Variants in C2CD2 observed in about 807,000 individuals in gnomAD.
C2CD2 encodes the protein C2 calcium dependent domain containing 2.
In C2CD2, 43 loss-of-function variants were observed where a neutral mutation model predicts 74.3. The observed-to-expected ratio is 0.58, with a 90% CI of 0.45 to 0.75. C2CD2 has a LOEUF of 0.75. Among genes scored for constraint, C2CD2 ranks in the 30% least tolerant of loss-of-function variants. The pLI is 0.00. For synonymous variants in C2CD2, 422 were observed against 390.7 expected, an observed-to-expected ratio of 1.08 and a Z score of -0.94; for missense variants, 801 against 916.3, an observed-to-expected ratio of 0.87 and a Z score of 1.63.
intron 1 of C2CD2, among the ~76,000 whole-genome samples, chr21:41,950,093 A>C (rs1425376196): frequency 6.6e-6 from 1 of 152,136 alleles, no homozygotes; most frequent in African/African-American, 2.4e-5. Context: ...CCTATGTAAC[A>C]ACCTGCACGT....
intron 2 of C2CD2, among the ~76,000 whole-genome samples, chr21:41,935,862 C>T (rs2065302924): frequency 6.6e-6 from 1 of 151,908 alleles, no homozygotes; most frequent in Non-Finnish European, 1.5e-5. Context: ...AGTCCTGACA[C>T]CTTGAATGGT....
intron 1 of C2CD2, among the ~76,000 whole-genome samples, chr21:41,946,016 G>A (rs552546808): frequency 2.0e-5 from 3 of 152,288 alleles, no homozygotes; most frequent in Admixed American, 2.0e-4. Context: ...AGTCCATATT[G>A]AGCTAAACAA....
At chr21:41,906,508 C>T (rs62214748) in intron 10 of C2CD2, among the ~76,000 whole-genome samples, 31,457 of 151,978 alleles carry the variant, frequency 0.21, 5,617 homozygotes, top group African/African-American at 0.48. Context: ...TAGGACTCCA[C>T]GCACGTGCCA....
intron 2 of C2CD2, among the ~76,000 whole-genome samples, chr21:41,938,647 A>G (rs970151233): frequency 6.6e-6 from 1 of 152,040 alleles, no homozygotes; most frequent in African/African-American, 2.4e-5. Context: ...GGACTCATAC[A>G]GCATTTGTCC....
chr21:41,946,032 T>C (rs565990161), intron 1 of C2CD2, among the ~76,000 whole-genome samples: 1 of 152,314 alleles, frequency 6.6e-6, no homozygotes, highest in South Asian at 2.1e-4. Flanking sequence ...AACAATCAGA[T>C]AAATATCTCA....
chr21:41,925,654 C>G (rs1432894486), intron 2 of C2CD2, among the ~76,000 whole-genome samples: 2 of 152,204 alleles, frequency 1.3e-5, no homozygotes, highest in African/African-American at 4.8e-5. Flanking sequence ...AACAAGTAAT[C>G]TTCTTTTAGT....
intron 2 of C2CD2, among the ~76,000 whole-genome samples, chr21:41,928,499 C>CATA (rs2065234646): frequency 7.5e-6 from 1 of 132,696 alleles, no homozygotes; most frequent in African/African-American, 2.9e-5. Flanking sequence ...AGCATAAATT[C>CATA]CAGGTTAATG....
rs768216677 is a variant in C2CD2, at chr21:41,907,676, C to T, written c.1127G>A (p.Gly376Asp). ...TCGCCCTACCTCTGCCGTGACCGAG[C>T]CCAGCACCGAGCTGCCGCAGGCAGA... ...SGSACGSSVL[G>D]SVTAEFSYME... is the part of the protein sequence containing the mutation. Residue 376 changes from glycine (G) to aspartate (D), a missense_variant, in exon 9 of 14, where the codon GGC becomes GAC. Gly to Asp is a moderately conservative substitution (Grantham distance 94). Coordinates refer to ENST00000380486, the MANE Select transcript of C2CD2 (RefSeq NM_015500.2). 8 of 1,611,922 alleles carry T rather than the reference C, an allele frequency of 5.0e-6. No homozygotes were observed. The highest frequency in any genetic ancestry group is 2.2e-5 in the South Asian group (2 of 90,990).
chr21:41,897,153 G>A (rs2064833298), intron 13 of C2CD2, among the ~76,000 whole-genome samples: 1 of 152,232 alleles, frequency 6.6e-6, no homozygotes, highest in South Asian at 2.1e-4. Flanking sequence ...ACACAGCAAG[G>A]ATGGAAACCC....
At position 41,887,657 on chromosome 21, in the gene C2CD2, T is replaced by C. The variant is rs2064700528; in HGVS notation, c.*1467A>G. The stretch of plus-strand genomic sequence containing the variant: ...TTTTACTAAAAAAGAAAAAATCCTA[T>C]AATTTTGGTTTTTATATAGGTTTTT... On this transcript the variant is annotated 3_prime_UTR_variant, in exon 14 of 14. Coordinates refer to ENST00000380486, the MANE Select transcript of C2CD2 (RefSeq NM_015500.2). The C allele has an allele frequency of 6.6e-6, 1 of 152,176 alleles. No individual in the cohort carries two copies. Among genetic ancestry groups the C allele is most frequent in the Non-Finnish European group, 1.5e-5 (1 of 68,036 alleles). The allele number at this position is 152,176 out of a possible 1,614,324, so 9.4% of individuals were successfully genotyped here. A position where few individuals can be genotyped will look rare whatever the true frequency, so the allele number is the denominator to read the frequency against.
intron 13 of C2CD2, among the ~76,000 whole-genome samples, chr21:41,893,749 T>A (rs1969073602): frequency 6.8e-6 from 1 of 146,082 alleles, no homozygotes; most frequent in Non-Finnish European, 1.5e-5. Context: ...TCGCCCAGGC[T>A]GGAGTGCAGT....
intron 1 of C2CD2, among the ~76,000 whole-genome samples, chr21:41,944,965 G>T (rs1002214071): frequency 6.6e-6 from 1 of 152,210 alleles, no homozygotes; most frequent in African/African-American, 2.4e-5. Context: ...CACACTGAAG[G>T]GGATGGGAAA....
At position 41,918,126 on chromosome 21, in the gene C2CD2, G is replaced by A; in HGVS notation, c.699C>T (p.Pro233=). 1 of 1,614,130 alleles carries A rather than the reference G, an allele frequency of 6.2e-7. No homozygotes were observed. The highest frequency in any genetic ancestry group is 8.5e-7 in the Non-Finnish European group (1 of 1,180,012). The change falls in exon 5 of 14, where the codon CCC becomes CCT. Residue 233 remains proline, a synonymous_variant. Transcript: ENST00000380486. ...TTACCTGAGCTTCCTTTACAGTCGT[G>A]GGCTTGGTAATCAGAACCACTGATG... ...ASPSVVLITK[P]TTVKEAQNLQ...
At chr21:41,930,894 G>A (rs1239625806) in intron 2 of C2CD2, among the ~76,000 whole-genome samples, 1 of 149,802 alleles carries the variant, frequency 6.7e-6, no homozygotes, top group Admixed American at 6.7e-5. Context: ...AAAAGCTTCT[G>A]AACCCCCACG....
chr21:41,918,446 G>A (rs539874490), intron 4 of C2CD2, among the ~76,000 whole-genome samples: 14 of 152,356 alleles, frequency 9.2e-5, no homozygotes, highest in Middle Eastern at 3.4e-3. Flanking sequence ...CACCCTCACC[G>A]TGGGAGAGAG....
At chr21:41,912,140 C>CT in intron 7 of C2CD2, 192 bp downstream of exon 7, 1 of 533,534 alleles carries the variant, frequency 1.9e-6, no homozygotes, top group Non-Finnish European at 3.3e-6. Flanking sequence ...AAAACTGACT[C>CT]TAAGAGCTGC....
chr21:41,932,352 G>T (rs1003490470), intron 2 of C2CD2, among the ~76,000 whole-genome samples: 2 of 150,152 alleles, frequency 1.3e-5, no homozygotes, highest in Non-Finnish European at 3.0e-5. Flanking sequence ...ACTAGTAATA[G>T]TTAGTAAACT....
chr21:41,950,121 G>C (rs529444874), intron 1 of C2CD2, among the ~76,000 whole-genome samples: 1 of 150,456 alleles, frequency 6.6e-6, no homozygotes, highest in African/African-American at 2.4e-5. Context: ...ATGTACCCTA[G>C]AACTTAAAGT....
intron 2 of C2CD2, among the ~76,000 whole-genome samples, chr21:41,933,135 A>G (rs1443449831): frequency 7.2e-6 from 1 of 139,580 alleles, no homozygotes; most frequent in Non-Finnish European, 1.7e-5. Flanking sequence ...CTGAGTTAGA[A>G]AGATAGGAAG....
Sources: gnomAD v4.1 joint callset for allele counts (sites outside exome capture counted in the v4.1 genomes callset) on GRCh38, gnomAD v4.1.1 for gene constraint, MANE v1.5 for transcripts, NCBI Gene and HGNC (gene_info 2026-07-23, HGNC 2026-07-21) for gene names.